The following DRC11 variants were observed in gnomAD, a reference collection of about 807,000 sequenced individuals.
The protein encoded by DRC11 is IQ and AAA domain-containing protein 1.
chr2:236,440,813 C>T, the DRC11 span, among the ~76,000 whole-genome samples: 3 of 152,014 alleles, frequency 2.0e-5, no homozygotes, highest in Non-Finnish European at 4.4e-5. Flanking sequence ...AAGAAAACGA[C>T]CTTCACACAT....
the DRC11 span, among the ~76,000 whole-genome samples, chr2:236,396,184 C>G: frequency 6.6e-6 from 1 of 151,338 alleles, no homozygotes; most frequent in Non-Finnish European, 1.5e-5. Flanking sequence ...CTATTCATGG[C>G]CCTCAAAGGG....
the DRC11 span, among the ~76,000 whole-genome samples, chr2:236,378,253 C>T: frequency 6.6e-6 from 1 of 151,944 alleles, no homozygotes; most frequent in South Asian, 2.1e-4. Context: ...AATATTTGAC[C>T]CATATATATC....
chr2:236,352,916 G>A, the DRC11 span, among the ~76,000 whole-genome samples: 2 of 152,132 alleles, frequency 1.3e-5, no homozygotes, highest in Non-Finnish European at 2.9e-5. The surrounding 1 kb of genome is among the most constrained non-coding windows in gnomAD (Gnocchi z 7.0). Context: ...CCAGGTGGAG[G>A]GGCCTGGACA....
At chr2:236,445,296 A>G in the DRC11 span, among the ~76,000 whole-genome samples, 2 of 152,138 alleles carry the variant, frequency 1.3e-5, no homozygotes, top group Non-Finnish European at 2.9e-5. This position sits in a 1 kb window ranked among gnomAD's most constrained non-coding sequence, Gnocchi z 4.8. Context: ...ATATTACATT[A>G]TCATGGTGCT....
chr2:236,342,041 C>T, the DRC11 span, among the ~76,000 whole-genome samples: 40 of 152,324 alleles, frequency 2.6e-4, no homozygotes, highest in African/African-American at 6.7e-4. The surrounding 1 kb of genome is among the most constrained non-coding windows in gnomAD (Gnocchi z 5.8). Context: ...CACTGATCTT[C>T]GCCATGCCCC....
chr2:236,448,416 C>T, the DRC11 span, among the ~76,000 whole-genome samples: 353 of 152,222 alleles, frequency 2.3e-3, 1 homozygote, highest in Middle Eastern at 3.4e-3. The surrounding 1 kb of genome is among the most constrained non-coding windows in gnomAD (Gnocchi z 5.3). Context: ...CTCACTCTGT[C>T]GCCCGGGCTG....
chr2:236,483,647 A>G, the DRC11 span, among the ~76,000 whole-genome samples: 1 of 152,202 alleles, frequency 6.6e-6, no homozygotes, highest in East Asian at 1.9e-4. This position sits in a 1 kb window ranked among gnomAD's most constrained non-coding sequence, Gnocchi z 4.8. Context: ...ATGGTGAACA[A>G]CAAAGGCTGT....
the DRC11 span, among the ~76,000 whole-genome samples, chr2:236,364,820 T>C: frequency 6.6e-6 from 1 of 152,190 alleles, no homozygotes; most frequent in Non-Finnish European, 1.5e-5. Context: ...TAAATGTCAG[T>C]ATGATGATTA....
chr2:236,486,724 T>G, the DRC11 span: 2 of 784,294 alleles, frequency 2.6e-6, no homozygotes, highest in Non-Finnish European at 4.2e-6. This position sits in a 1 kb window ranked among gnomAD's most constrained non-coding sequence, Gnocchi z 5.7. Context: ...TTAAATCATT[T>G]ATTTTTCTTT....
the DRC11 span, among the ~76,000 whole-genome samples, chr2:236,473,362 C>T: frequency 6.6e-6 from 1 of 152,202 alleles, no homozygotes; most frequent in East Asian, 1.9e-4. The surrounding 1 kb of genome is among the most constrained non-coding windows in gnomAD (Gnocchi z 4.8). Context: ...CAAGCTCGTA[C>T]TTGAGGTTAG....
chr2:236,461,842 T>A, the DRC11 span, among the ~76,000 whole-genome samples: 2 of 152,142 alleles, frequency 1.3e-5, no homozygotes, highest in Non-Finnish European at 2.9e-5. The surrounding 1 kb of genome is among the most constrained non-coding windows in gnomAD (Gnocchi z 4.0). Context: ...TGTGCCAAAC[T>A]GCCTGGAGGA....
chr2:236,503,547 C>G, the DRC11 span: 1 of 1,279,760 alleles, frequency 7.8e-7, no homozygotes. The surrounding 1 kb of genome is among the most constrained non-coding windows in gnomAD (Gnocchi z 4.9). Flanking sequence ...CTGGGGAATC[C>G]CTGTCTGGGG....
chr2:236,444,768 T>C, the DRC11 span, among the ~76,000 whole-genome samples: 2 of 152,222 alleles, frequency 1.3e-5, no homozygotes, highest in African/African-American at 4.8e-5. Context: ...CCTCCATCCA[T>C]CAAACCTTTC....
chr2:236,314,171 T>C, the DRC11 span, among the ~76,000 whole-genome samples: 1 of 152,230 alleles, frequency 6.6e-6, no homozygotes, highest in African/African-American at 2.4e-5. The surrounding 1 kb of genome is among the most constrained non-coding windows in gnomAD (Gnocchi z 4.5). Context: ...GCAGCACCTA[T>C]GCAGGATCTC....
At chr2:236,317,503 C>G in the DRC11 span, among the ~76,000 whole-genome samples, 1 of 152,100 alleles carries the variant, frequency 6.6e-6, no homozygotes, top group East Asian at 1.9e-4. The surrounding 1 kb of genome is among the most constrained non-coding windows in gnomAD (Gnocchi z 5.4). Context: ...AAAGTTCAAA[C>G]CCAGCTAAAA....
the DRC11 span, among the ~76,000 whole-genome samples, chr2:236,481,399 G>A: frequency 6.6e-6 from 1 of 152,106 alleles, no homozygotes; most frequent in African/African-American, 2.4e-5. Context: ...CAGATTGCGG[G>A]GAGGAGCACT....
the DRC11 span, chr2:236,399,602 C>T: frequency 1.2e-6 from 1 of 817,994 alleles, no homozygotes; most frequent in Admixed American, 2.0e-5. The surrounding 1 kb of genome is among the most constrained non-coding windows in gnomAD (Gnocchi z 7.0). Flanking sequence ...TCCTGGTCCC[C>T]CTGGGCAGTG....
the DRC11 span, among the ~76,000 whole-genome samples, chr2:236,357,781 G>GTT: frequency 2.4e-5 from 3 of 123,152 alleles, no homozygotes; most frequent in African/African-American, 9.8e-5. Flanking sequence ...GTAAATATAT[G>GTT]TTATATATAC....
the DRC11 span, among the ~76,000 whole-genome samples, chr2:236,356,970 TATA>T: frequency 2.1e-4 from 17 of 81,608 alleles, no homozygotes; most frequent in African/African-American, 8.1e-4. Context: ...ATATATATAT[TATA>T]TATTCATATA....
Sources: allele counts gnomAD v4.1 joint callset (sites outside exome capture counted in the v4.1 genomes callset), GRCh38; gene constraint gnomAD v4.1.1; non-coding constraint Gnocchi (gnomAD v3.1); transcripts MANE v1.5; gene names NCBI Gene and HGNC (gene_info 2026-07-23, HGNC 2026-07-21).